USH2A: variants seen among roughly 807,000 people sequenced by gnomAD.
USH2A encodes usherin, also known as Usher syndrome 2A (autosomal recessive, mild).
Under a neutral mutation model 538.9 loss-of-function variants are expected in USH2A, and 443 were observed. The observed-to-expected ratio is 0.82, with a 90% CI of 0.76 to 0.89. The LOEUF (loss-of-function observed/expected upper bound fraction) is 0.89. Among genes scored for constraint, USH2A ranks in the 40% least tolerant of loss-of-function variants. The pLI is 0.00. For synonymous variants in USH2A, 2,413 were observed against 2,273.5 expected (o/e 1.06, Z -1.75); for missense variants, 6,633 against 6,324.8 (o/e 1.05, Z -1.65).
At chr1:216,412,887 T>C (rs1004156888) in intron 3 of USH2A, among the ~76,000 whole-genome samples, 2 of 152,034 alleles carry the variant, frequency 1.3e-5, no homozygotes, top group African/African-American at 4.8e-5. Context: ...ATGGAGATAA[T>C]ATAAGTCAGT....
chr1:216,348,942 CA>C (rs1482453193), intron 4 of USH2A, among the ~76,000 whole-genome samples: 1 of 152,132 alleles, frequency 6.6e-6, no homozygotes, highest in Non-Finnish European at 1.5e-5. Flanking sequence ...GATTTACTAG[CA>C]ACCACATATT....
intron 30 of USH2A, among the ~76,000 whole-genome samples, chr1:216,056,977 T>C (rs1387071106): frequency 6.6e-6 from 1 of 152,244 alleles, no homozygotes; most frequent in African/African-American, 2.4e-5. Flanking sequence ...GAAGTATTTG[T>C]ATTGAATGTT....
chr1:215,754,028 G>A (rs1272191747), intron 58 of USH2A, among the ~76,000 whole-genome samples: 1 of 152,204 alleles, frequency 6.6e-6, no homozygotes, highest in Non-Finnish European at 1.5e-5. Context: ...GTAGCAGACA[G>A]TAGACCTGAA....
At chr1:216,383,172 A>G (rs1188332631) in intron 3 of USH2A, among the ~76,000 whole-genome samples, 1 of 152,164 alleles carries the variant, frequency 6.6e-6, no homozygotes, top group Non-Finnish European at 1.5e-5. Flanking sequence ...CTTCAGAAAC[A>G]CGATGCAATG....
chr1:215,876,713 G>A (rs1429952878), intron 43 of USH2A, among the ~76,000 whole-genome samples: 1 of 152,242 alleles, frequency 6.6e-6, no homozygotes, highest in Non-Finnish European at 1.5e-5. Flanking sequence ...CAGCAAGAGT[G>A]TTGGCAGGAA....
chr1:216,229,849 G>T (rs1056362424), intron 14 of USH2A, among the ~76,000 whole-genome samples: 2 of 152,026 alleles, frequency 1.3e-5, no homozygotes, highest in African/African-American at 4.8e-5. Context: ...GAGTGAGATG[G>T]GTAGATAATG....
chr1:216,036,604 G>T (rs2029986874), intron 32 of USH2A, among the ~76,000 whole-genome samples: 1 of 152,054 alleles, frequency 6.6e-6, no homozygotes, highest in Non-Finnish European at 1.5e-5. Flanking sequence ...ACTCAGAATG[G>T]TTTATATGGT....
chr1:215,836,781 C>A (rs532228740), intron 47 of USH2A, among the ~76,000 whole-genome samples: 2 of 150,108 alleles, frequency 1.3e-5, no homozygotes, highest in South Asian at 4.2e-4. Context: ...TGGTCTCGAT[C>A]TCCTGAGCTT....
At chr1:216,147,336 G>C (rs1416903562) in intron 21 of USH2A, among the ~76,000 whole-genome samples, 4 of 151,978 alleles carry the variant, frequency 2.6e-5, no homozygotes, top group South Asian at 2.1e-4. Flanking sequence ...TTACAGTTTC[G>C]TTCCGTGACT....
At chr1:215,982,512 A>C (rs1667772998) in intron 35 of USH2A, among the ~76,000 whole-genome samples, 1 of 152,234 alleles carries the variant, frequency 6.6e-6, no homozygotes, top group Non-Finnish European at 1.5e-5. Context: ...GTCATTAGCC[A>C]ATAGTTTCTT....
At chr1:215,840,329 T>C (rs1663643671) in intron 46 of USH2A, among the ~76,000 whole-genome samples, 1 of 152,228 alleles carries the variant, frequency 6.6e-6, no homozygotes, top group Middle Eastern at 3.4e-3. Context: ...AAATCACCTT[T>C]GACATCGTAA....
intron 6 of USH2A, among the ~76,000 whole-genome samples, chr1:216,324,605 CT>C (rs2037693158): frequency 6.6e-6 from 1 of 152,072 alleles, no homozygotes; most frequent in African/African-American, 2.4e-5. Flanking sequence ...AAGAACATTA[CT>C]TCTATGAAAT....
intron 42 of USH2A, 111 bp from the exon 43 acceptor site, chr1:215,877,991 AG>A: frequency 6.9e-7 from 1 of 1,454,082 alleles, no homozygotes; most frequent in East Asian, 2.3e-5. Flanking sequence ...GGAAGCATAA[AG>A]AATAACATCT....
intron 34 of USH2A, 53 bp from the exon 35 acceptor site, chr1:215,993,220 T>A: frequency 1.2e-6 from 2 of 1,613,600 alleles, no homozygotes. Flanking sequence ...AAAGTTTTCA[T>A]GAACATTGAG....
rs555324593 is a variant in USH2A, at chr1:216,296,717, C to A, written c.1645-4347G>T. 2.6e-5 allele frequency among the ~76,000 whole-genome samples: 4 copies of A among 152,098 alleles called. No individual in the cohort carries two copies. The South Asian group carries it at 8.3e-4, about 32-fold the overall frequency. On this transcript the variant is annotated intron_variant, in intron 9 of 71. Transcript: ENST00000307340. ...CCACTTACAAATATAAAATGAAACT[C>A]ACTTCATAAAAGAAGAATATGTGGC...
chr1:215,746,651 TA>T (rs1468832969), intron 58 of USH2A, among the ~76,000 whole-genome samples: 6 of 152,246 alleles, frequency 3.9e-5, no homozygotes, highest in Non-Finnish European at 7.3e-5. Context: ...TATTTCAGTT[TA>T]ATATTAGAAG....
intron 21 of USH2A, among the ~76,000 whole-genome samples, chr1:216,157,877 T>C (rs2033980619): frequency 6.6e-6 from 1 of 152,086 alleles, no homozygotes; most frequent in Non-Finnish European, 1.5e-5. Flanking sequence ...ATGGAACCCA[T>C]AGCCCAAACG....
intron 21 of USH2A, among the ~76,000 whole-genome samples, chr1:216,114,255 T>C (rs1341023630): frequency 6.6e-6 from 1 of 152,004 alleles, no homozygotes; most frequent in African/African-American, 2.4e-5. Flanking sequence ...CTTCTGTTAT[T>C]TATAATAGGT....
chr1:216,014,872 T>C (rs1165881472), intron 32 of USH2A, among the ~76,000 whole-genome samples: 4 of 152,220 alleles, frequency 2.6e-5, no homozygotes, highest in African/African-American at 9.6e-5. Flanking sequence ...GAGAATTTCA[T>C]TGATCTCAAT....
Sources: allele counts gnomAD v4.1 joint callset (sites outside exome capture counted in the v4.1 genomes callset), GRCh38; gene constraint gnomAD v4.1.1; transcripts MANE v1.5; gene names NCBI Gene and HGNC (gene_info 2026-07-23, HGNC 2026-07-21).